Variants in HMG20A observed in about 807,000 individuals in gnomAD.
HMG20A encodes high mobility group protein 20A.
In HMG20A, 17 loss-of-function variants were observed where a neutral mutation model predicts 43.9. The ratio of observed to expected loss-of-function variants is 0.39; its 90% CI spans 0.27 to 0.58. HMG20A has a LOEUF of 0.58. Among genes scored for constraint, HMG20A ranks in the 20% least tolerant of loss-of-function variants. The pLI is 0.59. For missense variants in HMG20A, 341 were observed against 438.2 expected, an observed-to-expected ratio of 0.78 and a Z score of 1.98; for synonymous variants, 132 against 147.5, an observed-to-expected ratio of 0.89 and a Z score of 0.76.
the HMG20A span, among the ~76,000 whole-genome samples, chr15:77,490,982 C>T: frequency 6.6e-6 from 1 of 152,186 alleles, no homozygotes; most frequent in Non-Finnish European, 1.5e-5. Context: ...TTACGTTGTG[C>T]GTTGAACTGT....
chr15:77,506,089 A>C, the HMG20A span, among the ~76,000 whole-genome samples: 21 of 151,720 alleles, frequency 1.4e-4, no homozygotes, highest in Non-Finnish European at 3.1e-4. Context: ...AAAAAAAAAA[A>C]AACCCTTTAA....
intron 1 of HMG20A, among the ~76,000 whole-genome samples, chr15:77,451,978 C>T (rs938594105): frequency 2.2e-4 from 33 of 152,312 alleles, no homozygotes; most frequent in African/African-American, 6.0e-4. Context: ...GATAGTCTCA[C>T]TCCTTACAAA....
At chr15:77,471,953 G>A in intron 6 of HMG20A, 139 bp downstream of exon 6, 1 of 535,734 alleles carries the variant, frequency 1.9e-6, no homozygotes, top group Non-Finnish European at 3.2e-6. Context: ...AGATACTTTA[G>A]CTTGGGGGTT....
At chr15:77,443,932 A>G (rs913442909) in intron 1 of HMG20A, among the ~76,000 whole-genome samples, 11 of 152,004 alleles carry the variant, frequency 7.2e-5, no homozygotes, top group Non-Finnish European at 1.5e-4. Flanking sequence ...GCTGGTCTCA[A>G]ATTCCTAAGA....
intron 4 of HMG20A, 74 bp from the exon 5 acceptor site, chr15:77,470,836 C>T: frequency 1.5e-6 from 2 of 1,305,138 alleles, no homozygotes; most frequent in Non-Finnish European, 2.0e-6. Flanking sequence ...GTCCTGTTTT[C>T]TTCAAATAGG....
the HMG20A span, among the ~76,000 whole-genome samples, chr15:77,500,836 T>C: frequency 6.6e-6 from 1 of 151,942 alleles, no homozygotes; most frequent in East Asian, 1.9e-4. Context: ...CCCAAAGTGC[T>C]GGGATTACAG....
At chr15:77,517,200 G>A in the HMG20A span, among the ~76,000 whole-genome samples, 1 of 152,154 alleles carries the variant, frequency 6.6e-6, no homozygotes, top group Non-Finnish European at 1.5e-5. Context: ...GACCATCAGG[G>A]GTTGCCCCAA....
chr15:77,490,156 C>T (rs1222207593), downstream of HMG20A, among the ~76,000 whole-genome samples: 2 of 152,002 alleles, frequency 1.3e-5, no homozygotes, highest in Admixed American at 6.6e-5. Flanking sequence ...GACGTGGTGG[C>T]GCGCATCTGT....
downstream of HMG20A, among the ~76,000 whole-genome samples, chr15:77,489,529 G>A (rs776394936): frequency 5.9e-5 from 9 of 152,150 alleles, no homozygotes; most frequent in Non-Finnish European, 1.2e-4. Context: ...TCTTTCTTGC[G>A]TTAGAAATTG....
intron 4 of HMG20A, 95 bp downstream of exon 4, chr15:77,467,402 G>A (rs1046939882): frequency 2.6e-5 from 27 of 1,056,134 alleles, no homozygotes; most frequent in South Asian, 2.4e-4. Flanking sequence ...AGTTGATTCT[G>A]CAGTTTTGTC....
At chr15:77,429,767 A>G (rs10519165) in intron 1 of HMG20A, among the ~76,000 whole-genome samples, 11,726 of 152,306 alleles carry the variant, frequency 0.077, 563 homozygotes, top group Non-Finnish European at 0.1. Flanking sequence ...GCTGTAAGAC[A>G]TTCATTTTTC....
intron 1 of HMG20A, among the ~76,000 whole-genome samples, chr15:77,431,254 C>T (rs1359658596): frequency 6.6e-6 from 1 of 152,078 alleles, no homozygotes; most frequent in African/African-American, 2.4e-5. Flanking sequence ...CTCTGTCACC[C>T]AGGCTGGAAT....
intron 6 of HMG20A, among the ~76,000 whole-genome samples, chr15:77,476,488 A>AG (rs2072857457): frequency 1.2e-5 from 1 of 80,940 alleles, no homozygotes; most frequent in African/African-American, 3.6e-5. Context: ...CCCTCTCAGA[A>AG]AAAAAAAAAA....
intron 1 of HMG20A, among the ~76,000 whole-genome samples, chr15:77,429,194 A>G (rs1207661776): frequency 2.0e-5 from 3 of 151,970 alleles, no homozygotes; most frequent in African/African-American, 7.2e-5. Context: ...CAAAATAATA[A>G]TAATTTAATA....
At chr15:77,428,480 C>A (rs1040392720) in intron 1 of HMG20A, among the ~76,000 whole-genome samples, 1 of 152,132 alleles carries the variant, frequency 6.6e-6, no homozygotes, top group Non-Finnish European at 1.5e-5. Flanking sequence ...GCGTGTAAGA[C>A]ATTCAAAGCA....
downstream of HMG20A, among the ~76,000 whole-genome samples, chr15:77,485,956 G>A (rs543642892): frequency 2.0e-5 from 3 of 152,130 alleles, no homozygotes; most frequent in Non-Finnish European, 4.4e-5. Flanking sequence ...AAATAAAAAA[G>A]TTCTATTTCT....
the HMG20A span, among the ~76,000 whole-genome samples, chr15:77,515,361 C>T: frequency 1.3e-5 from 2 of 151,806 alleles, no homozygotes; most frequent in African/African-American, 2.4e-5. Flanking sequence ...GTCTGGATTT[C>T]GATATGAAAT....
the HMG20A span, among the ~76,000 whole-genome samples, chr15:77,518,279 A>G: frequency 6.6e-6 from 1 of 152,214 alleles, no homozygotes; most frequent in Admixed American, 6.5e-5. Context: ...AAAGGTGAGC[A>G]TCTGTGATCA....
intron 1 of HMG20A, among the ~76,000 whole-genome samples, chr15:77,428,282 G>T (rs1302645274): frequency 6.6e-6 from 1 of 152,200 alleles, no homozygotes; most frequent in Admixed American, 6.5e-5. Context: ...AAGGAGGAAG[G>T]CAGCTGTAGA....
Sources: allele counts gnomAD v4.1 joint callset (sites outside exome capture counted in the v4.1 genomes callset), GRCh38; gene constraint gnomAD v4.1.1; transcripts MANE v1.5; gene names NCBI Gene and HGNC (gene_info 2026-07-23, HGNC 2026-07-21).